BANK1: variants seen among roughly 807,000 people sequenced by gnomAD.
BANK1 encodes B cell scaffold protein with ankyrin repeats 1.
Under a neutral mutation model 94.5 loss-of-function variants are expected in BANK1, and 95 were observed. The ratio of observed to expected loss-of-function variants is 1.00; its 90% CI spans 0.85 to 1.19. BANK1 has a LOEUF of 1.19. Among genes scored for constraint, BANK1 ranks in the 50% most tolerant of loss-of-function variants. The probability of loss-of-function intolerance (pLI) is 0.00; values close to 1 mark genes in which losing one functional copy is unlikely to be tolerated. For missense variants in BANK1, 987 were observed against 932.2 expected, an observed-to-expected ratio of 1.06 and a Z score of -0.77; for synonymous variants, 334 against 308.4, an observed-to-expected ratio of 1.08 and a Z score of -0.87.
At chr4:102,014,008 G>C (rs1316583543) in intron 7 of BANK1, among the ~76,000 whole-genome samples, 5 of 152,038 alleles carry the variant, frequency 3.3e-5, no homozygotes, top group African/African-American at 1.2e-4. Flanking sequence ...TTCACATCCA[G>C]AGAGGCCAAG....
chr4:102,028,237 A>T (rs1255410153), intron 9 of BANK1, among the ~76,000 whole-genome samples: 1 of 152,238 alleles, frequency 6.6e-6, no homozygotes, highest in Non-Finnish European at 1.5e-5. Context: ...ACACTGAAAA[A>T]GTGGTTCCCA....
chr4:101,797,665 A>G (rs966833248), intron 1 of BANK1, among the ~76,000 whole-genome samples: 1 of 152,174 alleles, frequency 6.6e-6, no homozygotes, highest in African/African-American at 2.4e-5. Flanking sequence ...AACCTAAGAG[A>G]ATCAAGAATG....
intron 7 of BANK1, among the ~76,000 whole-genome samples, chr4:101,994,432 T>C (rs1222806911): frequency 6.6e-6 from 1 of 152,206 alleles, no homozygotes; most frequent in Non-Finnish European, 1.5e-5. Context: ...TTGTCTGCCC[T>C]ACTTTGAGAG....
intron 10 of BANK1, among the ~76,000 whole-genome samples, chr4:102,032,870 G>C (rs1578468846): frequency 6.6e-6 from 1 of 150,742 alleles, no homozygotes; most frequent in African/African-American, 2.4e-5. Context: ...GAGCGACAGA[G>C]TGAGACTCCA....
rs193091404 is a variant in BANK1, at chr4:101,954,166, G to A, written c.1206+35977G>A. Among the ~76,000 whole-genome samples the A allele has an allele frequency of 2.1e-4, 32 of 152,010 alleles. No individual in the cohort carries two copies. The East Asian group carries it at 4.5e-3, about 21-fold the overall frequency. The stretch of plus-strand genomic sequence containing the variant: ...ATCTCTGTGTCCGTGTCTTCACAAG[G>A]CTCTCTTAAAAGGACATCAGTCAAT... On this transcript the variant is annotated intron_variant, in intron 7 of 16. Coordinates refer to ENST00000322953, the MANE Select transcript of BANK1 (RefSeq NM_017935.5).
intron 7 of BANK1, among the ~76,000 whole-genome samples, chr4:101,952,594 A>G (rs1159730766): frequency 6.6e-6 from 1 of 152,134 alleles, no homozygotes; most frequent in Non-Finnish European, 1.5e-5. Flanking sequence ...TAAAACATCC[A>G]TTATATTGTA....
At chr4:101,842,682 T>A (rs1261904960) in intron 2 of BANK1, among the ~76,000 whole-genome samples, 2 of 151,854 alleles carry the variant, frequency 1.3e-5, no homozygotes, top group Non-Finnish European at 2.9e-5. Flanking sequence ...TGTGTTTGGG[T>A]TTTTATATTT....
chr4:101,920,580 T>C (rs908007303), intron 7 of BANK1, among the ~76,000 whole-genome samples: 6 of 151,974 alleles, frequency 3.9e-5, no homozygotes, highest in African/African-American at 1.4e-4. Flanking sequence ...TGAACTATTG[T>C]TTCAGAATAG....
intron 7 of BANK1, among the ~76,000 whole-genome samples, chr4:101,963,064 G>C (rs1156659298): frequency 6.6e-6 from 1 of 152,028 alleles, no homozygotes; most frequent in Non-Finnish European, 1.5e-5. Context: ...CATATATGAT[G>C]ATTTTTTAAT....
At chr4:101,885,894 G>T (rs542281872) in intron 5 of BANK1, among the ~76,000 whole-genome samples, 1 of 152,138 alleles carries the variant, frequency 6.6e-6, no homozygotes. Flanking sequence ...GACCTCAAAC[G>T]TGTATAGAAC....
Position 102,025,451 on chromosome 4 carries a change from C to A in BANK1, c.1536C>A (p.Pro512=), listed in dbSNP as rs144768390. The A allele has an allele frequency of 1.2e-5, 20 of 1,614,064 alleles. No homozygotes were observed. Among genetic ancestry groups the A allele is most frequent in the Admixed American group, 1.7e-5 (1 of 60,014 alleles). Residue 512 remains proline, a synonymous_variant, in exon 9 of 17, where the codon CCC becomes CCA. Transcript: ENST00000322953. The stretch of plus-strand genomic sequence containing the variant: ...TCATGAGCAGCAGACCTCCTCTCCC[C>A]CCGCCGCGACCTGTAGCTAATGCCT... ...EPLMSSRPPL[P]PPRPVANAFQ... is the part of the protein sequence containing the mutation.
Position 101,830,068 on chromosome 4 carries a change from G to A in BANK1, c.331G>A (p.Val111Ile), listed in dbSNP as rs1726551414. The stretch of plus-strand genomic sequence containing the variant: ...AAAGATACTTCATTCACCAAAAAGT[G>A]TAGTTACTTTGCTTTGTGGAGTGAA... ...LEKILHSPKSVVTLLCGVKSS... is the reference protein window; with the variant it reads ...LEKILHSPKSIVTLLCGVKSS... Residue 111 changes from valine to isoleucine, a missense_variant, in exon 2 of 17, where the codon GTA (valine) becomes ATA (isoleucine). Coordinates refer to ENST00000322953, the MANE Select transcript of BANK1 (RefSeq NM_017935.5). 2.5e-6 allele frequency: 4 copies of A among 1,613,772 alleles called. No individual in the cohort carries two copies. The South Asian group carries it at 3.3e-5, about 13-fold the overall frequency.
intron 3 of BANK1, among the ~76,000 whole-genome samples, chr4:101,859,886 T>C (rs1024983027): frequency 6.6e-6 from 1 of 152,094 alleles, no homozygotes; most frequent in Non-Finnish European, 1.5e-5. Flanking sequence ...GACACAGACA[T>C]GAAAAACTAA....
rs1357090267 is a variant in BANK1, at chr4:102,074,634, TCTATTATTTCTTAGAAA to T, written c.*637_*653del. Reference sequence around the variant, plus strand: ...GTATTAAGACTTGCAATTTTATCAATCTATTATTTCTTAGAAACAATTTACTAGCTTAGAATAGAAAG... The same window carrying T: ...GTATTAAGACTTGCAATTTTATCAATCAATTTACTAGCTTAGAATAGAAAG... On this transcript the variant is annotated 3_prime_UTR_variant, in exon 17 of 17. Transcript: ENST00000322953. 1 of 152,062 alleles carries T rather than the reference TCTATTATTTCTTAGAAA, an allele frequency of 6.6e-6. No homozygotes were observed. The highest frequency in any genetic ancestry group is 1.5e-5 in the Non-Finnish European group (1 of 67,922). The allele number at this position is 152,062 out of a possible 1,614,324, so 9.4% of individuals were successfully genotyped here. A position where few individuals can be genotyped will look rare whatever the true frequency, so the allele number is the denominator to read the frequency against.
chr4:102,060,410 T>C, intron 12 of BANK1, 21 bp downstream of exon 12: 4 of 1,584,324 alleles, frequency 2.5e-6, no homozygotes, highest in Non-Finnish European at 3.4e-6. Flanking sequence ...CCCAGTGTTT[T>C]CTGGGACATT....
At chr4:101,796,594 A>G (rs1725163339) in intron 1 of BANK1, among the ~76,000 whole-genome samples, 1 of 152,202 alleles carries the variant, frequency 6.6e-6, no homozygotes, top group Admixed American at 6.5e-5. Flanking sequence ...ATTTATTTTT[A>G]GGTTTTCAAA....
At chr4:101,940,548 G>T (rs953683354) in intron 7 of BANK1, among the ~76,000 whole-genome samples, 6 of 151,652 alleles carry the variant, frequency 4.0e-5, no homozygotes, top group Non-Finnish European at 7.4e-5. Context: ...GCATTTGTTT[G>T]TCATTATCTC....
chr4:101,991,988 G>C (rs1227034630), intron 7 of BANK1, among the ~76,000 whole-genome samples: 4 of 152,110 alleles, frequency 2.6e-5, no homozygotes, highest in African/African-American at 9.7e-5. Flanking sequence ...ACTGCCTTTT[G>C]GTTCATGTGG....
intron 12 of BANK1, among the ~76,000 whole-genome samples, chr4:102,061,032 T>C (rs1337695509): frequency 6.6e-6 from 1 of 152,172 alleles, no homozygotes; most frequent in Admixed American, 6.5e-5. Flanking sequence ...ATTCCATCTT[T>C]CACTCCAAAA....
Sources: gnomAD v4.1 joint callset for allele counts (sites outside exome capture counted in the v4.1 genomes callset) on GRCh38, gnomAD v4.1.1 for gene constraint, MANE v1.5 for transcripts, NCBI Gene and HGNC (gene_info 2026-07-23, HGNC 2026-07-21) for gene names.